COL20A1: variants seen among roughly 807,000 people sequenced by gnomAD.
COL20A1 encodes collagen alpha-1(XX) chain.
Under a neutral mutation model 152.9 loss-of-function variants are expected in COL20A1, and 164 were observed. The ratio of observed to expected loss-of-function variants is 1.07; its 90% CI spans 0.94 to 1.22. The LOEUF (loss-of-function observed/expected upper bound fraction) is 1.22. Ranked by LOEUF, COL20A1 falls within the 50% of genes most tolerant of loss-of-function variation. COL20A1 has a pLI of 0.00. For missense variants in COL20A1, 1,873 were observed against 1,744.8 expected (o/e 1.07, Z -1.31); for synonymous variants, 864 against 756.0 (o/e 1.14, Z -2.34).
rs367849529 is a variant in COL20A1 at position 63,311,620 on chromosome 20, T to C, written c.1540-5T>C. 1.8e-3 allele frequency: 2,930 copies of C among 1,609,696 alleles called. 5 individuals carry two copies. The highest frequency in any genetic ancestry group is 2.4e-3 in the Non-Finnish European group (2,781 of 1,179,526). On this transcript the variant is annotated splice_polypyrimidine_tract_variant and splice_region_variant and intron_variant, in intron 12 of 35. Transcript: ENST00000358894. The surrounding 1 kb of genome is among the most constrained non-coding windows in gnomAD (Gnocchi z 4.4). ...GGGCTGGCCTGGGACGTCATGTCTC[T>C]GCAGGTGCAGGTCGGGCGGCCCGAG...
rs774136853 is a variant in COL20A1, at chr20:63,310,437, A to T, written c.1320A>T (p.Thr440=). ...AGCTGCACAACCTGGCCTCCCGCAC[A>T]GAGTACCTGGTCTCCGTGTTCCCCA... ...STELHNLASR[T]EYLVSVFPIY... The change falls in exon 11 of 36, where the codon ACA becomes ACT. Residue 440 remains threonine, a synonymous_variant. Coordinates refer to ENST00000358894, the MANE Select transcript of COL20A1 (RefSeq NM_020882.4). 3.1e-6 allele frequency: 5 copies of T among 1,610,190 alleles called. No individual in the cohort carries two copies. Among genetic ancestry groups the T allele is most frequent in the Non-Finnish European group, 4.2e-6 (5 of 1,178,896 alleles).
chr20:63,323,103 C>G (rs1412398012), intron 27 of COL20A1, among the ~76,000 whole-genome samples: 1 of 152,270 alleles, frequency 6.6e-6, no homozygotes, highest in African/African-American at 2.4e-5. Context: ...TTGGGAGCCG[C>G]GTCTGATAGA....
Position 63,295,173 on chromosome 20 carries a change from A to T in COL20A1, c.66A>T (p.Gly22=). The change falls in exon 2 of 36, where the codon GGA becomes GGT. Residue 22 remains glycine (G), a synonymous_variant. Transcript: ENST00000358894. ...CLWLWLGATL[G]REQVQASGLL... ...GGCTGTGGCTGGGCGCCACCCTGGG[A>T]AGAGAGCAAGTTCAAGGTAAGGACA... The T allele has an allele frequency of 6.4e-7, 1 of 1,554,240 alleles. No individual in the cohort carries two copies. The highest frequency in any genetic ancestry group is 8.7e-7 in the Non-Finnish European group (1 of 1,149,110).
chr20:63,318,548 CGGG>C (rs1038819098), intron 21 of COL20A1, among the ~76,000 whole-genome samples: 114 of 152,232 alleles, frequency 7.5e-4, no homozygotes, highest in African/African-American at 2.6e-3. Context: ...GAGTGTGAGT[CGGG>C]GGAGCTGCTC....
At chr20:63,304,872 C>G (rs543713391) in intron 3 of COL20A1, among the ~76,000 whole-genome samples, 1 of 152,256 alleles carries the variant, frequency 6.6e-6, no homozygotes, top group African/African-American at 2.4e-5. Context: ...AAGGCCATTT[C>G]TTCTTGCTCT....
Position 63,309,460 on chromosome 20 carries a change from C to G in COL20A1, c.1068C>G (p.Cys356Trp), listed in dbSNP as rs1015564117. 3.3e-6 allele frequency: 5 copies of G among 1,536,630 alleles called. No homozygotes were observed. Among genetic ancestry groups the G allele is most frequent in the Non-Finnish European group, 4.4e-6 (5 of 1,138,224 alleles). The change falls in exon 9 of 36, where the codon TGC becomes TGG. Residue 356 changes from cysteine (C) to tryptophan (W), a missense_variant. Cys to Trp is a radical substitution (Grantham distance 215, BLOSUM62 -2). Coordinates refer to ENST00000358894, the MANE Select transcript of COL20A1 (RefSeq NM_020882.4). ...CTGGCCTGCTCAGCCGTCTCATCTG[C>G]CAGAGGCTCCAGGGTGGGAGCCCGC... ...ALAGLLSRLICQRLQGGSPRQ... is the reference protein window; with the variant it reads ...ALAGLLSRLIWQRLQGGSPRQ...
chr20:63,304,310 G>C (rs368235085), intron 3 of COL20A1, among the ~76,000 whole-genome samples: 5 of 110,120 alleles, frequency 4.5e-5, no homozygotes, highest in Admixed American at 9.0e-5. Context: ...CAGGTGTGCA[G>C]GTGTGGGTTC....
Position 63,333,692 on chromosome 20 carries a change from G to A in COL20A1, c.*2976G>A, listed in dbSNP as rs904106152. On this transcript the variant is annotated 3_prime_UTR_variant, in exon 36 of 36. Transcript: ENST00000358894. ...CAGGCCTGGGAGGAATGTGTAGCAG[G>A]AGGCAGGGGGTGCTGTGCCCGCAGG... 6.6e-6 allele frequency: 1 copy of A among 152,264 alleles called. No homozygotes were observed. The highest frequency in any genetic ancestry group is 2.4e-5 in the African/African-American group (1 of 41,356). The allele number at this position is 152,264 out of a possible 1,614,324, so 9.4% of individuals were successfully genotyped here. A position where few individuals can be genotyped will look rare whatever the true frequency, so the allele number is the denominator to read the frequency against.
chr20:63,326,608 A>G (rs1370934810), intron 30 of COL20A1, 144 bp from the exon 31 acceptor site: 2 of 545,948 alleles, frequency 3.7e-6, no homozygotes, highest in African/African-American at 2.0e-5. Flanking sequence ...TGCCGGAGGA[A>G]TGGCCTGAAG....
rs112180615 is a variant in COL20A1, at chr20:63,313,416, T to C, written c.2209+167T>C. ...TGGAGTCTGCAGCACTTCCTTGAGC[T>C]CACACGGGTATAGGTGTTCCCCCAG... On this transcript the variant is annotated intron_variant, in intron 17 of 35. Coordinates refer to ENST00000358894, the MANE Select transcript of COL20A1 (RefSeq NM_020882.4). This position sits in a 1 kb window ranked among gnomAD's most constrained non-coding sequence, Gnocchi z 5.9. 0.078 allele frequency among the ~76,000 whole-genome samples: 11,846 copies of C among 152,220 alleles called. 563 individuals carry two copies. The highest frequency in any genetic ancestry group is 0.11 in the South Asian group (538 of 4,824).
intron 14 of COL20A1, among the ~76,000 whole-genome samples, 170 bp downstream of exon 14, chr20:63,312,225 G>A (rs1039072799): frequency 6.6e-6 from 1 of 152,108 alleles, no homozygotes; most frequent in Admixed American, 6.5e-5. Context: ...GGTCTGGGGG[G>A]AACCAGGCTG....
chr20:63,309,686 G>GCC (rs923039373), intron 9 of COL20A1, 72 bp from the exon 10 acceptor site: 28 of 1,378,682 alleles, frequency 2.0e-5, no homozygotes, highest in Non-Finnish European at 2.7e-5. Context: ...CCTGTGAGTG[G>GCC]CCACCAGGGG....
Position 63,311,582 on chromosome 20 carries a change from G to A in COL20A1, c.1539+43G>A, listed in dbSNP as rs768801711. 1.9e-6 allele frequency: 3 copies of A among 1,610,150 alleles called. No individual in the cohort carries two copies. The highest frequency in any genetic ancestry group is 2.5e-6 in the Non-Finnish European group (3 of 1,179,342). ...GTGGCGGGGGAGGCAGAGGAGTGGG[G>A]CAGAGCGAGTGGGGGCTGGCCTGGG... On this transcript the variant is annotated intron_variant, in intron 12 of 35. Coordinates refer to ENST00000358894, the MANE Select transcript of COL20A1 (RefSeq NM_020882.4). The surrounding 1 kb of genome is among the most constrained non-coding windows in gnomAD (Gnocchi z 4.4).
intron 3 of COL20A1, among the ~76,000 whole-genome samples, chr20:63,300,421 A>AT (rs1403961375): frequency 2.0e-5 from 3 of 152,076 alleles, no homozygotes; most frequent in African/African-American, 7.2e-5. Flanking sequence ...AGATTTTCTA[A>AT]TTTTTTTGGT....
rs1018744468 is a variant in COL20A1, at chr20:63,328,905, C to T, written c.3781+407C>T. On this transcript the variant is annotated intron_variant, in intron 34 of 35. Transcript: ENST00000358894. Reference sequence around the variant, plus strand: ...TTCCTCCGCCTCTCCCCACCCAGCGCACAGTCGCAGGCTCCCGTGACCTTG... The same window carrying T: ...TTCCTCCGCCTCTCCCCACCCAGCGTACAGTCGCAGGCTCCCGTGACCTTG... Among the ~76,000 whole-genome samples, 8 of 151,966 alleles carry T rather than the reference C, an allele frequency of 5.3e-5. No homozygotes were observed. In the East Asian group the frequency reaches 1.6e-3, roughly 30 times the overall value.
At position 63,312,892 on chromosome 20, in the gene COL20A1, C is replaced by A; in HGVS notation, c.2034C>A (p.Tyr678Ter). The A allele has an allele frequency of 6.4e-7, 1 of 1,558,566 alleles. No individual in the cohort carries two copies. The highest frequency in any genetic ancestry group is 1.2e-5 in the South Asian group (1 of 84,464). ...CAGCCCCGTCTGGCGTGCTTGTCTA[C>A]CAGATCACGTGGACGCCCCTGGGAG... ...VAAAPSGVLVYQITWTPLGEG... is the reference protein window; with the variant it reads ...VAAAPSGVLV Residue 678 changes from tyrosine (Y) to a stop codon, truncating the protein, a stop_gained, in exon 16 of 36, where the codon TAC becomes TAA. Transcript: ENST00000358894. LOFTEE classifies it high-confidence loss of function.
chr20:63,313,976 G>C lies in COL20A1; in HGVS notation c.2358+85G>C. 1 of 1,596,662 alleles carries C rather than the reference G, an allele frequency of 6.3e-7. No individual in the cohort carries two copies. Among genetic ancestry groups the C allele is most frequent in the African/African-American group, 1.3e-5 (1 of 74,894 alleles). ...GCCACACTGTCTGCGAAGGGTGGCA[G>C]CTCTGCCATGGCGGGACGCAGAGGG... is the stretch of plus-strand genomic sequence containing the variant. On this transcript the variant is annotated intron_variant, in intron 18 of 35. Coordinates refer to ENST00000358894, the MANE Select transcript of COL20A1 (RefSeq NM_020882.4). The surrounding 1 kb of genome is among the most constrained non-coding windows in gnomAD (Gnocchi z 5.9).
rs201102423 is a variant in COL20A1 at position 63,312,445 on chromosome 20, C to T, written c.1829C>T (p.Ser610Leu). ...ACAGAGGCTCCTGGGAACGCCACCTCGGCCACGCTGGGGCCTCTCTCTTCC... is the reference window on the plus strand; with the variant it reads ...ACAGAGGCTCCTGGGAACGCCACCTTGGCCACGCTGGGGCCTCTCTCTTCC... ...GQTEAPGNAT[S>L]ATLGPLSSST... Residue 610 changes from serine (S) to leucine (L), a missense_variant, in exon 15 of 36, where the codon TCG becomes TTG. Physicochemically the swap from Ser to Leu is moderately radical, Grantham distance 145 (BLOSUM62 -2). Transcript: ENST00000358894. The T allele has an allele frequency of 6.2e-6, 10 of 1,602,566 alleles. No homozygotes were observed. The East Asian group carries it at 9.0e-5, about 14-fold the overall frequency.
At chr20:63,322,215 C>A in intron 27 of COL20A1, 104 bp downstream of exon 27, 1 of 957,042 alleles carries the variant, frequency 1.0e-6, no homozygotes, top group Non-Finnish European at 1.5e-6. Flanking sequence ...CTGCACGCAG[C>A]TTCCCTAGGC....
Sources: allele counts gnomAD v4.1 joint callset (sites outside exome capture counted in the v4.1 genomes callset), GRCh38; gene constraint gnomAD v4.1.1; non-coding constraint Gnocchi (gnomAD v3.1); transcripts MANE v1.5; gene names NCBI Gene and HGNC (gene_info 2026-07-23, HGNC 2026-07-21).